DHX9: variants seen among roughly 807,000 people sequenced by gnomAD.
DHX9 encodes ATP-dependent RNA helicase A.
In DHX9, 27 loss-of-function variants were observed where a neutral mutation model predicts 148.7. The observed-to-expected ratio is 0.18, with a 90% CI of 0.13 to 0.25. The LOEUF (loss-of-function observed/expected upper bound fraction) is 0.25, where lower values mean the gene tolerates loss of function less well. DHX9 is among the 10% of genes least tolerant of loss of function. The pLI is 1.00. For missense variants in DHX9, 796 were observed against 1,559.6 expected, an observed-to-expected ratio of 0.51 and a Z score of 8.25; for synonymous variants, 529 against 516.6, an observed-to-expected ratio of 1.02 and a Z score of -0.33.
chr1:182,841,198 G>A (rs1419456993), intron 1 of DHX9, among the ~76,000 whole-genome samples: 1 of 152,130 alleles, frequency 6.6e-6, no homozygotes, highest in Non-Finnish European at 1.5e-5. Context: ...GGCTGAGGCA[G>A]GAGAATCGCT....
chr1:182,843,016 T>C (rs958945586), intron 2 of DHX9, among the ~76,000 whole-genome samples: 1 of 152,176 alleles, frequency 6.6e-6, no homozygotes, highest in Non-Finnish European at 1.5e-5. Context: ...TAAATACAAA[T>C]GGAGAGCTTG....
chr1:182,873,101 G>C (rs1172008931), intron 15 of DHX9, among the ~76,000 whole-genome samples: 1 of 151,978 alleles, frequency 6.6e-6, no homozygotes, highest in Non-Finnish European at 1.5e-5. Flanking sequence ...GACTACAGGC[G>C]CACAACACCA....
chr1:182,853,924 C>A, intron 5 of DHX9, 106 bp from the exon 6 acceptor site: 1 of 1,016,974 alleles, frequency 9.8e-7, no homozygotes, highest in Non-Finnish European at 1.4e-6. Context: ...TCAAAAACAG[C>A]TTTTGCATTA....
intron 21 of DHX9, 108 bp downstream of exon 21, chr1:182,879,518 A>T: frequency 9.1e-7 from 1 of 1,100,054 alleles, no homozygotes; most frequent in Non-Finnish European, 1.2e-6. Context: ...TGTAGTCAAC[A>T]GGGCTGTGAT....
chr1:182,849,562 A>G (rs1233624410), intron 3 of DHX9, among the ~76,000 whole-genome samples: 3 of 152,160 alleles, frequency 2.0e-5, no homozygotes, highest in African/African-American at 7.2e-5. Flanking sequence ...AGTGGGTGGA[A>G]GCCAAGGATG....
At position 182,881,346 on chromosome 1, in the gene DHX9, A is replaced by G; in HGVS notation, c.2707A>G (p.Ile903Val). 1 of 1,614,182 alleles carries G rather than the reference A, an allele frequency of 6.2e-7. No individual in the cohort carries two copies. The highest frequency in any genetic ancestry group is 8.5e-7 in the Non-Finnish European group (1 of 1,180,036). Reference protein sequence around the residue: ...FINEGKRLGYIHRNFAGNRFS... With the variant: ...FINEGKRLGYVHRNFAGNRFS... ...CAATGAAGGAAAGCGGCTGGGCTAT[A>G]TCCATCGAAATTTTGCTGGAAACAG... The change falls in exon 23 of 28, where the codon ATC becomes GTC. Residue 903 changes from isoleucine (I) to valine (V), a missense_variant. Physicochemically the swap from Ile to Val is conservative, Grantham distance 29. Transcript: ENST00000367549.
chr1:182,846,812 TA>T (rs761880867), intron 3 of DHX9, among the ~76,000 whole-genome samples: 1 of 152,170 alleles, frequency 6.6e-6, no homozygotes, highest in Non-Finnish European at 1.5e-5. Flanking sequence ...TTATTTAAGA[TA>T]TTTTTTGTTT....
chr1:182,845,416 T>C (rs1007231762), intron 3 of DHX9, among the ~76,000 whole-genome samples: 5 of 149,888 alleles, frequency 3.3e-5, no homozygotes, highest in African/African-American at 1.3e-4. Context: ...TTCCCTCTTT[T>C]GGTATGTAAG....
intron 26 of DHX9, among the ~76,000 whole-genome samples, 175 bp from the exon 27 acceptor site, chr1:182,884,438 C>T (rs548125383): frequency 6.6e-6 from 1 of 151,754 alleles, no homozygotes; most frequent in South Asian, 2.1e-4. Context: ...ATTATAACTA[C>T]TCTTCATATC....
At chr1:182,844,371 T>G (rs983542999) in intron 3 of DHX9, among the ~76,000 whole-genome samples, 7 of 152,196 alleles carry the variant, frequency 4.6e-5, no homozygotes, top group South Asian at 4.1e-4. Context: ...TCTAGTAGGT[T>G]GTTTTGGGGG....
At chr1:182,882,899 T>C (rs979120968) in intron 24 of DHX9, among the ~76,000 whole-genome samples, 16 of 151,876 alleles carry the variant, frequency 1.1e-4, no homozygotes, top group East Asian at 1.9e-4. Flanking sequence ...CCCAAGCTTA[T>C]TTATGGTTGA....
intron 14 of DHX9, among the ~76,000 whole-genome samples, chr1:182,870,107 G>A (rs1648496721): frequency 6.6e-6 from 1 of 152,174 alleles, no homozygotes; most frequent in South Asian, 2.1e-4. Flanking sequence ...CATTGCAGTA[G>A]TCAAAGTATT....
At chr1:182,850,889 A>G (rs1446432178) in intron 3 of DHX9, among the ~76,000 whole-genome samples, 3 of 152,214 alleles carry the variant, frequency 2.0e-5, no homozygotes, top group Non-Finnish European at 2.9e-5. Flanking sequence ...AAAAAAGGAA[A>G]TCCTCCCCAT....
chr1:182,863,917 A>C (rs1234037727), intron 12 of DHX9, among the ~76,000 whole-genome samples: 1 of 152,158 alleles, frequency 6.6e-6, no homozygotes, highest in Non-Finnish European at 1.5e-5. Context: ...TCACGCCTGT[A>C]ATTACAGCAC....
intron 14 of DHX9, among the ~76,000 whole-genome samples, chr1:182,868,506 A>C (rs1571313161): frequency 7.4e-6 from 1 of 135,386 alleles, no homozygotes; most frequent in South Asian, 2.3e-4. Flanking sequence ...ATAATCTAAC[A>C]CTTATTTTAA....
chr1:182,882,521 A>T (rs558383118), intron 24 of DHX9, among the ~76,000 whole-genome samples: 1 of 152,288 alleles, frequency 6.6e-6, no homozygotes, highest in East Asian at 1.9e-4. Context: ...TTGTGGTCCT[A>T]TCAGTCAAGC....
intron 5 of DHX9, 101 bp from the exon 6 acceptor site, chr1:182,853,929 G>A: frequency 9.5e-7 from 1 of 1,056,986 alleles, no homozygotes; most frequent in Non-Finnish European, 1.4e-6. Context: ...AACAGCTTTT[G>A]CATTATAAAG....
chr1:182,848,767 G>A (rs1668077065), intron 3 of DHX9, among the ~76,000 whole-genome samples: 1 of 152,188 alleles, frequency 6.6e-6, no homozygotes, highest in African/African-American at 2.4e-5. Flanking sequence ...GTGTGGTACT[G>A]GAATCTGCTT....
chr1:182,881,829 T>G (rs932111734), intron 24 of DHX9, among the ~76,000 whole-genome samples, 182 bp downstream of exon 24: 1 of 152,224 alleles, frequency 6.6e-6, no homozygotes, highest in Non-Finnish European at 1.5e-5. Flanking sequence ...GCTGATAACC[T>G]TATAGTGGTT....
Sources: allele counts gnomAD v4.1 joint callset (sites outside exome capture counted in the v4.1 genomes callset), GRCh38; gene constraint gnomAD v4.1.1; transcripts MANE v1.5; gene names NCBI Gene and HGNC (gene_info 2026-07-23, HGNC 2026-07-21).